The following FANCM variants were observed in gnomAD, a reference collection of about 807,000 sequenced individuals.
FANCM encodes Fanconi anemia group M protein.
A neutral mutation model predicts 199.5 loss-of-function variants in FANCM; 140 were observed. That is an observed-to-expected ratio of 0.70 (90% CI 0.61 to 0.81). FANCM has a LOEUF of 0.81. Ranked by LOEUF, FANCM falls within the 30% of genes least tolerant of loss-of-function variation. The pLI is 0.00. For synonymous variants in FANCM, 840 were observed against 836.8 expected (o/e 1.00, Z -0.07); for missense variants, 2,410 against 2,421.4 (o/e 1.00, Z 0.10).
chr14:45,137,666 C>T (rs1885619350), intron 2 of FANCM: 1 of 196,204 alleles, frequency 5.1e-6, no homozygotes, highest in South Asian at 8.4e-5. Flanking sequence ...ACAGTGCCTT[C>T]CAGTTGAGTA....
intron 16 of FANCM, among the ~76,000 whole-genome samples, chr14:45,183,105 A>C (rs1052376358): frequency 6.6e-6 from 1 of 152,206 alleles, no homozygotes; most frequent in African/African-American, 2.4e-5. Flanking sequence ...GCCAGTCCGT[A>C]TTAACATTGT....
Position 45,154,808 on chromosome 14 carries a change from C to T in FANCM, c.1295C>T (p.Ser432Phe), listed in dbSNP as rs149379175. 2 of 1,607,816 alleles carry T rather than the reference C, an allele frequency of 1.2e-6. No homozygotes were observed. Among genetic ancestry groups the T allele is most frequent in the Non-Finnish European group, 1.7e-6 (2 of 1,175,972 alleles). Residue 432 changes from serine (S) to phenylalanine (F), a missense_variant, in exon 7 of 23, where the codon TCT (serine) becomes TTT (phenylalanine). Ser to Phe is a radical substitution (Grantham distance 155). Coordinates refer to ENST00000267430, the MANE Select transcript of FANCM (RefSeq NM_020937.4). The stretch of plus-strand genomic sequence containing the variant: ...CGTAGTACTTCAGCAAATGGTATTT[C>T]TGCTATCCAACAAGGTCTGGTTTTT... ...RTRSTSANGISAIQQGDKNKK... is the reference protein window; with the variant it reads ...RTRSTSANGIFAIQQGDKNKK...
intron 5 of FANCM, among the ~76,000 whole-genome samples, chr14:45,153,062 T>C (rs7149582): frequency 0.078 from 11,877 of 152,212 alleles, 1,288 homozygotes; most frequent in African/African-American, 0.24. Flanking sequence ...TAAGTGCTAC[T>C]AAAAATGTTA....
At chr14:45,147,258 G>GC (rs933435029) in intron 3 of FANCM, among the ~76,000 whole-genome samples, 155 of 150,036 alleles carry the variant, frequency 1.0e-3, no homozygotes, top group Admixed American at 2.4e-3. Context: ...GCTGTTCCCC[G>GC]CCCCCCCCAA....
In FANCM at chr14:45,135,983, T is replaced by C. The variant is rs200344785; in HGVS notation, c.-49T>C. On this transcript the variant is annotated 5_prime_UTR_variant, in exon 1 of 23. Transcript: ENST00000267430. ...GGGATCGGAACCGTAGCGGTTGAGC[T>C]GCTGCTGCTACGGATATCTGACAGA... 6 of 1,595,846 alleles carry C rather than the reference T, an allele frequency of 3.8e-6. No homozygotes were observed. Among genetic ancestry groups the C allele is most frequent in the African/African-American group, 1.3e-5 (1 of 74,746 alleles).
rs199514189 is a variant in FANCM, at chr14:45,185,266, A to G, written c.4565A>G (p.Asp1522Gly). Residue 1522 changes from aspartate to glycine, a missense_variant, in exon 18 of 23, where the codon GAT becomes GGT. Coordinates refer to ENST00000267430, the MANE Select transcript of FANCM (RefSeq NM_020937.4). Reference sequence around the variant, plus strand: ...GATGAAGCAGAACTTTCTGAAGAAGATGCAGAATATGTTTCATCAGATGAA... The same window carrying G: ...GATGAAGCAGAACTTTCTGAAGAAGGTGCAGAATATGTTTCATCAGATGAA... ...LDDEAELSEEDAEYVSSDEND... is the reference protein window; with the variant it reads ...LDDEAELSEEGAEYVSSDEND... 36 of 1,603,716 alleles carry G rather than the reference A, an allele frequency of 2.2e-5. 1 individual carries two copies. In the East Asian group the frequency reaches 5.8e-4, roughly 26 times the overall value.
intron 2 of FANCM, chr14:45,137,614 G>C (rs973364767): frequency 3.7e-6 from 1 of 268,966 alleles, no homozygotes; most frequent in African/African-American, 2.2e-5. Context: ...TCTTCTTGGC[G>C]GCTAGGTAAA....
Position 45,198,837 on chromosome 14 carries a change from T to G in FANCM, c.5910T>G (p.Ser1970Arg), listed in dbSNP as rs2139329050. The change falls in exon 22 of 23, where the codon AGT becomes AGG. Residue 1970 changes from serine to arginine, a missense_variant. Physicochemically the swap from Ser to Arg is moderately radical, Grantham distance 110. Transcript: ENST00000267430. ...CAACAGTGGTGAATAGTAATAAAAG[T>G]GAGGCACTCCAGTTTTATTTAAGTA... ...HVPTVVNSNK[S>R]EALQFYLSIP... 6.2e-7 allele frequency: 1 copy of G among 1,613,122 alleles called. No homozygotes were observed. The highest frequency in any genetic ancestry group is 8.5e-7 in the Non-Finnish European group (1 of 1,179,142).
rs1885517210 is a variant in FANCM at position 45,136,469 on chromosome 14, G to A, written c.438G>A (p.Leu146=). The change falls in exon 1 of 23, where the codon TTG becomes TTA. Residue 146 remains leucine (L), a synonymous_variant. Coordinates refer to ENST00000267430, the MANE Select transcript of FANCM (RefSeq NM_020937.4). ...KVVFMAPTKP[L]VTQQIEACYQ... The stretch of plus-strand genomic sequence containing the variant: ...TCTTCATGGCCCCAACGAAACCCTT[G>A]GTGACACAGCAGATCGAGGCTTGCT... 1 of 1,614,100 alleles carries A rather than the reference G, an allele frequency of 6.2e-7. No homozygotes were observed. The highest frequency in any genetic ancestry group is 8.5e-7 in the Non-Finnish European group (1 of 1,180,020).
intron 9 of FANCM, among the ~76,000 whole-genome samples, chr14:45,162,155 G>A (rs1001046941): frequency 6.6e-6 from 1 of 152,164 alleles, no homozygotes; most frequent in Non-Finnish European, 1.5e-5. Flanking sequence ...GGAGGCCAAG[G>A]CAGGTGTATC....
At chr14:45,171,426 G>A (rs935839441) in intron 12 of FANCM, among the ~76,000 whole-genome samples, 2 of 151,458 alleles carry the variant, frequency 1.3e-5, no homozygotes, top group South Asian at 2.1e-4. Flanking sequence ...CACATCATCC[G>A]AGCAGTGTAC....
intron 8 of FANCM, 48 bp from the exon 9 acceptor site, chr14:45,159,048 A>C (rs1160492982): frequency 2.5e-6 from 3 of 1,181,348 alleles, no homozygotes; most frequent in East Asian, 5.2e-5. Flanking sequence ...TTTCTTGTCT[A>C]AATGCTTTGT....
At chr14:45,161,824 G>C (rs1320282026) in intron 9 of FANCM, among the ~76,000 whole-genome samples, 1 of 152,090 alleles carries the variant, frequency 6.6e-6, no homozygotes, top group Non-Finnish European at 1.5e-5. Context: ...AGAATAAACT[G>C]TAGGGGCTAA....
At chr14:45,164,709 C>A in intron 10 of FANCM, 144 bp downstream of exon 10, 1 of 669,810 alleles carries the variant, frequency 1.5e-6, no homozygotes, top group African/African-American at 1.8e-5. Context: ...ATTGGATTCT[C>A]TCTTGTAACT....
At chr14:45,160,246 A>C (rs1363158379) in intron 9 of FANCM, among the ~76,000 whole-genome samples, 1 of 150,978 alleles carries the variant, frequency 6.6e-6, no homozygotes, top group Non-Finnish European at 1.5e-5. Flanking sequence ...CGCCCGCCTC[A>C]GCCTCCCAAA....
Position 45,176,278 on chromosome 14 carries a change from A to G in FANCM, c.3524A>G (p.Gln1175Arg), listed in dbSNP as rs775853050. Residue 1175 changes from glutamine to arginine, a missense_variant, in exon 14 of 23, where the codon CAG becomes CGG. By Grantham distance (43) the Gln-to-Arg change is conservative. Transcript: ENST00000267430. ...TAISETPLVSQFLISDELLLD... is the reference protein window; with the variant it reads ...TAISETPLVSRFLISDELLLD... ...ATTAGTGAAACGCCTCTGGTCTCTCAGTTCTTAATTTCTGATGAACTTTTG... is the reference window on the plus strand; with the variant it reads ...ATTAGTGAAACGCCTCTGGTCTCTCGGTTCTTAATTTCTGATGAACTTTTG... The G allele has an allele frequency of 6.2e-7, 1 of 1,614,080 alleles. No homozygotes were observed. Among genetic ancestry groups the G allele is most frequent in the Non-Finnish European group, 8.5e-7 (1 of 1,179,938 alleles).
In FANCM at chr14:45,189,162, G is replaced by C. The variant is rs971470564; in HGVS notation, c.5140G>C (p.Ala1714Pro). The change falls in exon 20 of 23, where the codon GCG (alanine) becomes CCG (proline). Residue 1714 changes from alanine to proline, a missense_variant. Physicochemically the swap from Ala to Pro is conservative, Grantham distance 27. Coordinates refer to ENST00000267430, the MANE Select transcript of FANCM (RefSeq NM_020937.4). ...AAATTCAGTGCCTTCTGGATCTTCT[G>C]CGCAGTCCAAGGTGCGTTCTACTCC... ...CLNSVPSGSS[A>P]QSKVRSTPRV... The C allele has an allele frequency of 1.2e-6, 2 of 1,614,052 alleles. No homozygotes were observed. The highest frequency in any genetic ancestry group is 2.7e-5 in the African/African-American group (2 of 74,920).
chr14:45,170,647 A>T lies in FANCM; in HGVS notation c.2061A>T (p.Leu687Phe). 6.2e-7 allele frequency: 1 copy of T among 1,603,030 alleles called. No homozygotes were observed. Among genetic ancestry groups the T allele is most frequent in the East Asian group, 2.2e-5 (1 of 44,752 alleles). ...TCTTATCAGAAGAAGAATTTAAATT[A>T]TGGAACAGACTTTATAGATTAAGGG... Reference protein sequence around the residue: ...DWFLSEEEFKLWNRLYRLRDS... With the variant: ...DWFLSEEEFKFWNRLYRLRDS... Residue 687 changes from leucine (L) to phenylalanine (F), a missense_variant, in exon 12 of 23, where the codon TTA becomes TTT. Coordinates refer to ENST00000267430, the MANE Select transcript of FANCM (RefSeq NM_020937.4).
At position 45,200,170 on chromosome 14, in the gene FANCM, G is replaced by T; in HGVS notation, c.*162G>T. 4.3e-6 allele frequency: 1 copy of T among 232,002 alleles called. No homozygotes were observed. The allele number at this position is 232,002 out of a possible 1,614,324, so 14.4% of individuals were successfully genotyped here. ...ATAGATTATAGAAATTATTAAAAAA[G>T]AAAAATCTGATGTTCAGTGATCATT... On this transcript the variant is annotated 3_prime_UTR_variant, in exon 23 of 23. Transcript: ENST00000267430.
Sources: gnomAD v4.1 joint callset for allele counts (sites outside exome capture counted in the v4.1 genomes callset) on GRCh38, gnomAD v4.1.1 for gene constraint, MANE v1.5 for transcripts, NCBI Gene and HGNC (gene_info 2026-07-23, HGNC 2026-07-21) for gene names.